SGIP1: variants seen among roughly 807,000 people sequenced by gnomAD.
The protein encoded by SGIP1 is SH3GL interacting endocytic adaptor 1, also known as SH3-containing GRB2-like protein 3-interacting protein 1.
SGIP1 carries 38 observed loss-of-function variants against 107.5 expected under a neutral mutation model. The observed-to-expected ratio is 0.35, with a 90% confidence interval of 0.27 to 0.46. The LOEUF (loss-of-function observed/expected upper bound fraction) is 0.46, where lower values mean the gene tolerates loss of function less well. Ranked by LOEUF, SGIP1 falls within the 20% of genes least tolerant of loss-of-function variation. The pLI is 1.00. For synonymous variants in SGIP1, 365 were observed against 366.1 expected, an observed-to-expected ratio of 1.00 and a Z score of 0.03; for missense variants, 929 against 1,019.5, an observed-to-expected ratio of 0.91 and a Z score of 1.21.
intron 21 of SGIP1, among the ~76,000 whole-genome samples, chr1:66,734,505 GTT>G (rs1324641803): frequency 3.8e-5 from 5 of 131,736 alleles, no homozygotes; most frequent in Non-Finnish European, 6.6e-5. Context: ...GATTTTTTTG[GTT>G]TTTTTTTTTT....
chr1:66,667,621 A>T, intron 9 of SGIP1, 80 bp downstream of exon 9: 1 of 1,309,438 alleles, frequency 7.6e-7, no homozygotes, highest in Non-Finnish European at 1.1e-6. Flanking sequence ...TTGGTTTCCC[A>T]TTAAATTTAT....
chr1:66,606,802 A>C (rs886728669), intron 1 of SGIP1, among the ~76,000 whole-genome samples: 2 of 152,208 alleles, frequency 1.3e-5, no homozygotes, highest in Non-Finnish European at 2.9e-5. Flanking sequence ...TGAGGGACTT[A>C]AGTTGGGGTT....
chr1:66,552,398 A>T (rs565681896), intron 1 of SGIP1, among the ~76,000 whole-genome samples: 1 of 152,072 alleles, frequency 6.6e-6, no homozygotes, highest in African/African-American at 2.4e-5. Context: ...CTGTGTGCTC[A>T]TTTGCGCCAT....
intron 1 of SGIP1, among the ~76,000 whole-genome samples, chr1:66,538,931 ATACTT>A (rs1158429699): frequency 3.3e-5 from 5 of 152,240 alleles, no homozygotes; most frequent in African/African-American, 1.2e-4. Context: ...ATACCATCAA[ATACTT>A]TAGGTATTTT....
At chr1:66,687,298 C>CA (rs550250808) in intron 15 of SGIP1, among the ~76,000 whole-genome samples, 40,137 of 137,302 alleles carry the variant, frequency 0.29, 6,655 homozygotes, top group East Asian at 0.78. Context: ...CCATCAACAC[C>CA]AAAAAAAAAA....
chr1:66,746,013 G>C lies in SGIP1; in HGVS notation c.*2918G>C, dbSNP rs1206346241. On this transcript the variant is annotated 3_prime_UTR_variant, in exon 25 of 25. Coordinates refer to ENST00000371037, the MANE Select transcript of SGIP1 (RefSeq NM_032291.4). ...GAATATATTTCACCTGTAAAAGAAAGAATGTCCACAATTCAAACGGTTTTG... is the reference window on the plus strand; with the variant it reads ...GAATATATTTCACCTGTAAAAGAAACAATGTCCACAATTCAAACGGTTTTG... The C allele has an allele frequency of 6.6e-6, 1 of 152,090 alleles. No homozygotes were observed. The highest frequency in any genetic ancestry group is 2.4e-5 in the African/African-American group (1 of 41,438). 9.4% of individuals were successfully genotyped at this position (152,090 alleles called of 1,614,324 possible). A position where few individuals can be genotyped will look rare whatever the true frequency, so the allele number is the denominator to read the frequency against.
At chr1:66,660,152 AAAGAAAGAAAG>A in intron 7 of SGIP1, 1 of 38,234 alleles carries the variant, frequency 2.6e-5, no homozygotes, top group Non-Finnish European at 4.4e-5. Flanking sequence ...AGAGAGAAAG[AAAGAAAGAAAG>A]AAAGAAAGAA....
chr1:66,590,811 C>A (rs1164042454), intron 1 of SGIP1, among the ~76,000 whole-genome samples: 1 of 152,106 alleles, frequency 6.6e-6, no homozygotes. Flanking sequence ...GTTGCCCAGG[C>A]TGGTCTCAAG....
At chr1:66,629,350 G>A (rs1200249983) in intron 2 of SGIP1, among the ~76,000 whole-genome samples, 4 of 152,266 alleles carry the variant, frequency 2.6e-5, no homozygotes, top group East Asian at 1.9e-4. Flanking sequence ...CATATGTTGC[G>A]CTGATATCTT....
chr1:66,667,414 C>A lies in SGIP1; in HGVS notation c.472-116C>A, dbSNP rs2082817108. Reference sequence around the variant, plus strand: ...CTGCCTGTCTTCCTTTGGCCTGATTCTCTGGAGTGTATGTTTGGTTAGCTG... The same window carrying A: ...CTGCCTGTCTTCCTTTGGCCTGATTATCTGGAGTGTATGTTTGGTTAGCTG... On this transcript the variant is annotated intron_variant, in intron 8 of 24. Transcript: ENST00000371037. The A allele has an allele frequency of 1.7e-5, 16 of 948,246 alleles. No homozygotes were observed. In the South Asian group the frequency reaches 2.1e-4, roughly 12 times the overall value. 58.7% of individuals were successfully genotyped at this position (948,246 alleles called of 1,614,324 possible).
chr1:66,533,996 G>A (rs144728574), upstream of SGIP1, among the ~76,000 whole-genome samples: 17 of 151,998 alleles, frequency 1.1e-4, no homozygotes, highest in East Asian at 3.1e-3. Flanking sequence ...GGAGGGGAAT[G>A]GGGACGGGAA....
chr1:66,694,630 ACC>A, intron 17 of SGIP1: 1 of 632,824 alleles, frequency 1.6e-6, no homozygotes, highest in Non-Finnish European at 2.5e-6. Flanking sequence ...TCTCAGATGC[ACC>A]CTGTATATTT....
chr1:66,558,034 T>G (rs568075585), intron 1 of SGIP1, among the ~76,000 whole-genome samples: 1 of 152,244 alleles, frequency 6.6e-6, no homozygotes, highest in South Asian at 2.1e-4. Flanking sequence ...TCCAGGAAAC[T>G]ATCAGTATGC....
At chr1:66,654,840 T>A (rs1381741400) in intron 7 of SGIP1, among the ~76,000 whole-genome samples, 1 of 152,202 alleles carries the variant, frequency 6.6e-6, no homozygotes, top group Non-Finnish European at 1.5e-5. Context: ...TGCAGAGCTG[T>A]GCCTGCCAGC....
chr1:66,598,324 A>G (rs2065113756), intron 1 of SGIP1, among the ~76,000 whole-genome samples: 1 of 152,220 alleles, frequency 6.6e-6, no homozygotes, highest in Non-Finnish European at 1.5e-5. Context: ...CTGAGTACCT[A>G]CTGTGTTAGA....
chr1:66,552,873 T>C (rs1391630025), intron 1 of SGIP1, among the ~76,000 whole-genome samples: 2 of 152,148 alleles, frequency 1.3e-5, no homozygotes, highest in Non-Finnish European at 2.9e-5. Flanking sequence ...TCAACCACTA[T>C]AAGGAAAACG....
At chr1:66,647,279 A>G (rs1224696300) in intron 7 of SGIP1, among the ~76,000 whole-genome samples, 3 of 152,160 alleles carry the variant, frequency 2.0e-5, no homozygotes, top group African/African-American at 7.2e-5. Flanking sequence ...CAGCCTTGGG[A>G]TGGAGGAAAG....
intron 1 of SGIP1, among the ~76,000 whole-genome samples, chr1:66,606,866 G>T (rs968653533): frequency 6.6e-6 from 1 of 152,194 alleles, no homozygotes; most frequent in Non-Finnish European, 1.5e-5. Context: ...ACACGGATTA[G>T]TAGATATGTT....
Position 66,744,296 on chromosome 1 carries a change from G to A in SGIP1, c.*1201G>A, listed in dbSNP as rs996683568. The stretch of plus-strand genomic sequence containing the variant: ...AAACTGTAAATCTTTGCCATTCTTG[G>A]AGAAGCAAAAGGAGAGTTATCAAAA... On this transcript the variant is annotated 3_prime_UTR_variant, in exon 25 of 25. Coordinates refer to ENST00000371037, the MANE Select transcript of SGIP1 (RefSeq NM_032291.4). 1.3e-5 allele frequency: 2 copies of A among 152,208 alleles called. No individual in the cohort carries two copies. The highest frequency in any genetic ancestry group is 1.9e-4 in the East Asian group (1 of 5,190). 9.4% of individuals were successfully genotyped at this position (152,208 alleles called of 1,614,324 possible).
Sources: gnomAD v4.1 joint callset for allele counts (sites outside exome capture counted in the v4.1 genomes callset) on GRCh38, gnomAD v4.1.1 for gene constraint, MANE v1.5 for transcripts, NCBI Gene and HGNC (gene_info 2026-07-23, HGNC 2026-07-21) for gene names.